MAGI1: variants seen among roughly 807,000 people sequenced by gnomAD.
The protein encoded by MAGI1 is membrane associated guanylate kinase, WW and PDZ domain containing 1, also known as membrane-associated guanylate kinase, WW and PDZ domain-containing protein 1.
In MAGI1, 58 loss-of-function variants were observed where a neutral mutation model predicts 139.9. The observed-to-expected ratio is 0.41, with a 90% CI of 0.34 to 0.52. MAGI1 has a LOEUF of 0.52. MAGI1 is among the 20% of genes least tolerant of loss of function. MAGI1 has a pLI of 0.12. For missense variants in MAGI1, 1,874 were observed against 1,901.6 expected, an observed-to-expected ratio of 0.99 and a Z score of 0.27; for synonymous variants, 812 against 737.9, an observed-to-expected ratio of 1.10 and a Z score of -1.63.
chr3:65,391,592 C>G (rs1220866359), intron 13 of MAGI1, among the ~76,000 whole-genome samples: 1 of 152,198 alleles, frequency 6.6e-6, no homozygotes, highest in Non-Finnish European at 1.5e-5. Flanking sequence ...CCATACTGCT[C>G]TCTGGGCTAC....
intron 1 of MAGI1, among the ~76,000 whole-genome samples, chr3:65,885,782 T>C (rs547238010): frequency 8.5e-5 from 13 of 152,182 alleles, no homozygotes; most frequent in Admixed American, 2.0e-4. Flanking sequence ...CATTAAACCT[T>C]TTTCCTTTAT....
intron 1 of MAGI1, among the ~76,000 whole-genome samples, chr3:66,036,603 C>T (rs1399548263): frequency 2.6e-5 from 4 of 152,198 alleles, no homozygotes; most frequent in African/African-American, 9.7e-5. Flanking sequence ...TAAGTGTCAG[C>T]TCCTCAGCTC....
intron 1 of MAGI1, among the ~76,000 whole-genome samples, chr3:65,758,832 C>G (rs1303938676): frequency 1.3e-5 from 2 of 152,108 alleles, no homozygotes; most frequent in African/African-American, 2.4e-5. Context: ...CGTAAACTTT[C>G]TGACTCCAAA....
chr3:65,609,665 G>A lies in MAGI1; in HGVS notation c.430+12307C>T, dbSNP rs891774343. ...AGTGGCATGCTCATAGTTCACTGCA[G>A]CCTCGACCTCCTAGACTCAGGTGAT... On this transcript the variant is annotated intron_variant, in intron 2 of 22. Transcript: ENST00000402939. 2.9e-5 allele frequency: 5 copies of A among 170,978 alleles called. No individual in the cohort carries two copies. The East Asian group carries it at 7.2e-4, about 25-fold the overall frequency. The allele number at this position is 170,978 out of a possible 1,614,324, so 10.6% of individuals were successfully genotyped here.
rs187773801 is a variant in MAGI1, at chr3:66,010,580, A to G, written c.313+27416T>C. On this transcript the variant is annotated intron_variant, in intron 1 of 22. Coordinates refer to ENST00000402939, the MANE Select transcript of MAGI1 (RefSeq NM_001033057.2). ...ACAAGCACACTTCTAGGCGTTCCTC[A>G]CTTACACCATTATAATGAAACGAAG... Among the ~76,000 whole-genome samples the G allele has an allele frequency of 1.1e-3, 161 of 152,318 alleles. 1 individual carries two copies. Among genetic ancestry groups the G allele is most frequent in the African/African-American group, 3.8e-3 (158 of 41,564 alleles).
At chr3:65,741,014 A>G (rs2035214240) in intron 1 of MAGI1, among the ~76,000 whole-genome samples, 1 of 152,178 alleles carries the variant, frequency 6.6e-6, no homozygotes, top group Non-Finnish European at 1.5e-5. Context: ...TTGGGTGAAT[A>G]GTGAGAAGAG....
At chr3:65,685,967 G>A (rs922691164) in intron 1 of MAGI1, among the ~76,000 whole-genome samples, 6 of 152,118 alleles carry the variant, frequency 3.9e-5, no homozygotes, top group Non-Finnish European at 5.9e-5. Flanking sequence ...CTCGCAGCAC[G>A]GTGCAAAACA....
At chr3:65,628,385 GTCTCACAGAA>G (rs2084099143) in intron 1 of MAGI1, among the ~76,000 whole-genome samples, 1 of 152,096 alleles carries the variant, frequency 6.6e-6, no homozygotes, top group Admixed American at 6.6e-5. Flanking sequence ...AAAGGAAAAA[GTCTCACAGAA>G]CAAAGTCCAG....
At chr3:65,703,159 C>T (rs527978796) in intron 1 of MAGI1, among the ~76,000 whole-genome samples, 1 of 152,260 alleles carries the variant, frequency 6.6e-6, no homozygotes, top group African/African-American at 2.4e-5. Flanking sequence ...GGGTGGCTGG[C>T]TTTCAGTCTT....
chr3:65,618,113 T>C (rs1039972845), intron 2 of MAGI1, among the ~76,000 whole-genome samples: 2 of 152,068 alleles, frequency 1.3e-5, no homozygotes, highest in Non-Finnish European at 2.9e-5. Context: ...GTCAGATAGA[T>C]AGGCAGCGAA....
At chr3:65,874,321 T>A (rs910970612) in intron 1 of MAGI1, 4 of 152,152 alleles carry the variant, frequency 2.6e-5, no homozygotes, top group Non-Finnish European at 5.9e-5. Flanking sequence ...AAAAATTTTT[T>A]AAGAACGTGT....
chr3:65,815,324 A>C (rs972659780), intron 1 of MAGI1, among the ~76,000 whole-genome samples: 3 of 152,184 alleles, frequency 2.0e-5, no homozygotes, highest in Non-Finnish European at 4.4e-5. Context: ...GCTGTTTCTC[A>C]AGAGAAAACA....
At chr3:65,771,940 C>T (rs938276689) in intron 1 of MAGI1, among the ~76,000 whole-genome samples, 10 of 152,180 alleles carry the variant, frequency 6.6e-5, no homozygotes, top group East Asian at 5.8e-4. Flanking sequence ...CGGTGGCTCA[C>T]GCCTATAATC....
At chr3:66,002,736 G>T (rs1444984743) in intron 1 of MAGI1, among the ~76,000 whole-genome samples, 1 of 151,986 alleles carries the variant, frequency 6.6e-6, no homozygotes, top group Admixed American at 6.5e-5. Flanking sequence ...GGCTGGTCTC[G>T]CACTCCTGAC....
At chr3:65,622,883 T>A (rs1317345831) in intron 1 of MAGI1, among the ~76,000 whole-genome samples, 1 of 152,130 alleles carries the variant, frequency 6.6e-6, no homozygotes, top group Non-Finnish European at 1.5e-5. Flanking sequence ...TAGCTTTTTT[T>A]ATGACGGTAA....
intron 1 of MAGI1, among the ~76,000 whole-genome samples, chr3:65,948,886 G>A (rs1413433856): frequency 4.6e-5 from 7 of 152,184 alleles, no homozygotes; most frequent in Non-Finnish European, 8.8e-5. Context: ...GAATTATGCA[G>A]TTCAATTTTA....
At chr3:65,483,234 G>A (rs1207562132) in intron 3 of MAGI1, among the ~76,000 whole-genome samples, 1 of 152,222 alleles carries the variant, frequency 6.6e-6, no homozygotes, top group African/African-American at 2.4e-5. Context: ...TTATTCTGCT[G>A]TGAACTGCCC....
intron 1 of MAGI1, among the ~76,000 whole-genome samples, chr3:65,780,869 T>C (rs1403491774): frequency 1.3e-5 from 2 of 152,222 alleles, no homozygotes; most frequent in Admixed American, 1.3e-4. Context: ...GTAAGGGCCA[T>C]GACTACGGGT....
chr3:66,014,753 G>A (rs951476776), intron 1 of MAGI1, among the ~76,000 whole-genome samples: 1 of 152,160 alleles, frequency 6.6e-6, no homozygotes, highest in African/African-American at 2.4e-5. Flanking sequence ...ATTCTGCCAG[G>A]CTGGTAAAGG....
Sources: allele counts gnomAD v4.1 joint callset (sites outside exome capture counted in the v4.1 genomes callset), GRCh38; gene constraint gnomAD v4.1.1; transcripts MANE v1.5; gene names NCBI Gene and HGNC (gene_info 2026-07-23, HGNC 2026-07-21).